SKI: variants seen among roughly 807,000 people sequenced by gnomAD.
The protein encoded by SKI is ski oncogene.
Under a neutral mutation model 59.3 loss-of-function variants are expected in SKI, and 23 were observed. That is an observed-to-expected ratio of 0.39 (90% CI 0.28 to 0.55). SKI has a LOEUF of 0.55. SKI is among the 20% of genes least tolerant of loss of function. The pLI is 0.67. For missense variants in SKI, 1,017 were observed against 1,038.9 expected (o/e 0.98, Z 0.29); for synonymous variants, 673 against 488.6 (o/e 1.38, Z -4.98).
Position 2,306,145 on chromosome 1 carries a change from C to T in SKI, c.1893C>T (p.Asn631=). The part of the protein sequence containing the change: ...AENEKKMKEA[N]ESRLRLKREL... ...ACGAGAAGAAGATGAAAGAGGCCAA[C>T]GAGTCACGGCTGCGCCTGAAGCGGG... The change falls in exon 6 of 7, where the codon AAC becomes AAT. Residue 631 remains asparagine (N), a synonymous_variant. Transcript: ENST00000378536. The T allele has an allele frequency of 3.1e-6, 5 of 1,594,898 alleles. No homozygotes were observed. The highest frequency in any genetic ancestry group is 4.3e-6 in the Non-Finnish European group (5 of 1,171,932).
chr1:2,255,859 G>A (rs1420161361), intron 1 of SKI, among the ~76,000 whole-genome samples: 2 of 133,574 alleles, frequency 1.5e-5, no homozygotes. Context: ...TGCTGTGTCC[G>A]GATTGCATTT....
intron 1 of SKI, among the ~76,000 whole-genome samples, chr1:2,248,247 G>A (rs933359856): frequency 2.0e-5 from 3 of 152,248 alleles, no homozygotes; most frequent in Admixed American, 6.5e-5. Flanking sequence ...ACACTGCCGC[G>A]TCCCCTCTCC....
chr1:2,231,944 G>A (rs1638648291), intron 1 of SKI, among the ~76,000 whole-genome samples: 1 of 152,226 alleles, frequency 6.6e-6, no homozygotes, highest in South Asian at 2.1e-4. Context: ...GGGCTTCAGG[G>A]TCCCCTTAAG....
intron 1 of SKI, among the ~76,000 whole-genome samples, chr1:2,300,075 A>AGCCCT (rs1241476538): frequency 2.0e-5 from 3 of 152,294 alleles, no homozygotes; most frequent in East Asian, 1.9e-4. Flanking sequence ...TCCTCAGCCC[A>AGCCCT]GCCCTGCCCT....
chr1:2,264,064 G>C (rs1639446081), intron 1 of SKI, among the ~76,000 whole-genome samples: 1 of 151,962 alleles, frequency 6.6e-6, no homozygotes, highest in South Asian at 2.1e-4. Flanking sequence ...CTCGGACCCA[G>C]AGTGTTTTTT....
In SKI at chr1:2,308,495, C is replaced by T. The variant is rs991338293; in HGVS notation, c.*1730C>T. The T allele has an allele frequency of 6.6e-6, 1 of 152,224 alleles. No homozygotes were observed. Among genetic ancestry groups the T allele is most frequent in the Non-Finnish European group, 1.5e-5 (1 of 68,040 alleles). 9.4% of individuals were successfully genotyped at this position (152,224 alleles called of 1,614,324 possible). A position where few individuals can be genotyped will look rare whatever the true frequency, so the allele number is the denominator to read the frequency against. On this transcript the variant is annotated 3_prime_UTR_variant, in exon 7 of 7. Transcript: ENST00000378536. ...TGTTCTGTGTGCATGGATTCCACAC[C>T]TCTGCCGTAGGTAGATCCGTCAGCG...
chr1:2,280,601 A>G (rs1639854587), intron 1 of SKI, among the ~76,000 whole-genome samples: 1 of 148,534 alleles, frequency 6.7e-6, no homozygotes, highest in Non-Finnish European at 1.5e-5. Context: ...CGATCTTCAG[A>G]GAGAAGATGC....
At chr1:2,282,710 C>G (rs72642132) in intron 1 of SKI, among the ~76,000 whole-genome samples, 1,796 of 152,302 alleles carry the variant, frequency 0.012, 30 homozygotes, top group Non-Finnish European at 0.012. Context: ...ACCCTTTACC[C>G]CCACCCAGGA....
Position 2,303,580 on chromosome 1 carries a change from T to C in SKI, c.1211+180T>C, listed in dbSNP as rs4648631. 168,974 of 684,980 alleles carry C rather than the reference T, an allele frequency of 0.25. 22,802 individuals are homozygous for C. The highest frequency in any genetic ancestry group is 0.28 in the Non-Finnish European group (114,132 of 407,350). 42.4% of individuals were successfully genotyped at this position (684,980 alleles called of 1,614,324 possible). On this transcript the variant is annotated intron_variant, in intron 3 of 6. Coordinates refer to ENST00000378536, the MANE Select transcript of SKI (RefSeq NM_003036.4). The surrounding 1 kb of genome is among the most constrained non-coding windows in gnomAD (Gnocchi z 5.6). ...GGGAGAGCACACCTAGAGCGTTCCC[T>C]GTGTTCTGGGTGGAGTCGTGGGTGG...
At position 2,303,834 on chromosome 1, in the gene SKI, C is replaced by G. The variant is rs752765206; in HGVS notation, c.1212-6C>G. 1 of 1,612,392 alleles carries G rather than the reference C, an allele frequency of 6.2e-7. No homozygotes were observed. Among genetic ancestry groups the G allele is most frequent in the South Asian group, 1.1e-5 (1 of 91,032 alleles). Reference sequence around the variant, plus strand: ...GCACCTTCCCGACACCCGCCTGCCCCTCCAGCTTCTACTCCTACAAGAGCT... The same window carrying G: ...GCACCTTCCCGACACCCGCCTGCCCGTCCAGCTTCTACTCCTACAAGAGCT... On this transcript the variant is annotated splice_region_variant and splice_polypyrimidine_tract_variant and intron_variant, in intron 3 of 6. Coordinates refer to ENST00000378536, the MANE Select transcript of SKI (RefSeq NM_003036.4). The surrounding 1 kb of genome is among the most constrained non-coding windows in gnomAD (Gnocchi z 5.6).
chr1:2,228,420 T>G lies in SKI; in HGVS notation c.-347T>G. 7.3e-6 allele frequency among the ~76,000 whole-genome samples: 1 copy of G among 137,350 alleles called. No individual in the cohort carries two copies. The allele number at this position is 137,350 out of a possible 152,430, so 90.1% of individuals were successfully genotyped here. A position where few individuals can be genotyped will look rare whatever the true frequency, so the allele number is the denominator to read the frequency against. On this transcript the variant is annotated 5_prime_UTR_variant, in exon 1 of 7. Coordinates refer to ENST00000378536, the MANE Select transcript of SKI (RefSeq NM_003036.4). ...CCGCGAGCCCCGGGCCCGCGAGCGT[T>G]GGCGTTGGCGTTGGCGGCGCGCGCC...
At chr1:2,282,829 G>A (rs1054029871) in intron 1 of SKI, among the ~76,000 whole-genome samples, 19 of 152,212 alleles carry the variant, frequency 1.2e-4, no homozygotes, top group South Asian at 2.1e-4. Context: ...AGTGACATTC[G>A]CAAGGGTGGG....
chr1:2,250,270 C>G (rs926780860), intron 1 of SKI, among the ~76,000 whole-genome samples: 1 of 152,176 alleles, frequency 6.6e-6, no homozygotes, highest in Non-Finnish European at 1.5e-5. Context: ...TTGCCCTGCT[C>G]AACAGAGAGT....
chr1:2,247,549 TGTG>T (rs916078368), intron 1 of SKI, among the ~76,000 whole-genome samples: 3 of 152,306 alleles, frequency 2.0e-5, no homozygotes, highest in African/African-American at 7.2e-5. Context: ...ATGTGGGTGG[TGTG>T]GTGGACCCGG....
chr1:2,303,378 C>A lies in SKI; in HGVS notation c.1189C>A (p.Leu397Ile). Residue 397 changes from leucine to isoleucine, a missense_variant, in exon 3 of 7, where the codon CTC (leucine) becomes ATC (isoleucine). By Grantham distance (5) the Leu-to-Ile change is conservative (BLOSUM62 2). Transcript: ENST00000378536. This position sits in a 1 kb window ranked among gnomAD's most constrained non-coding sequence, Gnocchi z 5.6. ...GAGTGAGAAAGAGCTCTCCCCACAC[C>A]TCCCGGCCCTCATCCGAGACAGGTG... is the stretch of plus-strand genomic sequence containing the variant. ...SASEKELSPH[L>I]PALIRDSFYS... 3 of 1,613,320 alleles carry A rather than the reference C, an allele frequency of 1.9e-6. No individual in the cohort carries two copies. The highest frequency in any genetic ancestry group is 2.5e-6 in the Non-Finnish European group (3 of 1,179,946).
rs184021704 is a variant in SKI, at chr1:2,267,606, C to G, written c.970-35372C>G. On this transcript the variant is annotated intron_variant, in intron 1 of 6. Transcript: ENST00000378536. The surrounding 1 kb of genome is among the most constrained non-coding windows in gnomAD (Gnocchi z 4.1). Reference sequence around the variant, plus strand: ...TAGGGGCCACGTGGTCAGCACTGCACTCTGCTCTCATCGGAAGCTGGGCAG... The same window carrying G: ...TAGGGGCCACGTGGTCAGCACTGCAGTCTGCTCTCATCGGAAGCTGGGCAG... 6.6e-6 allele frequency among the ~76,000 whole-genome samples: 1 copy of G among 152,174 alleles called. No individual in the cohort carries two copies. Among genetic ancestry groups the G allele is most frequent in the Non-Finnish European group, 1.5e-5 (1 of 68,038 alleles).
chr1:2,306,382 C>T (rs1640578975), intron 6 of SKI, 132 bp downstream of exon 6: 6 of 1,027,748 alleles, frequency 5.8e-6, no homozygotes, highest in South Asian at 1.7e-5. Context: ...CCGTGCGTGC[C>T]CCCCCGACGG....
intron 1 of SKI, among the ~76,000 whole-genome samples, chr1:2,256,273 CTG>C (rs1420467972): frequency 6.6e-6 from 1 of 152,180 alleles, no homozygotes; most frequent in East Asian, 1.9e-4. Context: ...CTGGAGCTCT[CTG>C]TGTCCTTACC....
rs1012757739 is a variant in SKI at position 2,307,966 on chromosome 1, C to T, written c.*1201C>T. The stretch of plus-strand genomic sequence containing the variant: ...ATCCTGACTCGTGTCTTTTTACCCC[C>T]AAGATATCTGTCTTCAGTAGCGACT... On this transcript the variant is annotated 3_prime_UTR_variant, in exon 7 of 7. Transcript: ENST00000378536. 13 of 152,436 alleles carry T rather than the reference C, an allele frequency of 8.5e-5. No homozygotes were observed. The highest frequency in any genetic ancestry group is 3.1e-4 in the African/African-American group (13 of 41,430). The allele number at this position is 152,436 out of a possible 1,614,324, so 9.4% of individuals were successfully genotyped here.
Sources: allele counts gnomAD v4.1 joint callset (sites outside exome capture counted in the v4.1 genomes callset), GRCh38; gene constraint gnomAD v4.1.1; non-coding constraint Gnocchi (gnomAD v3.1); transcripts MANE v1.5; gene names NCBI Gene and HGNC (gene_info 2026-07-23, HGNC 2026-07-21).